Variants in ARFGEF1 observed in about 807,000 individuals in gnomAD.
The protein encoded by ARFGEF1 is ARF guanine nucleotide exchange factor 1, also known as brefeldin A-inhibited guanine nucleotide-exchange protein 1.
Under a neutral mutation model 231.0 loss-of-function variants are expected in ARFGEF1, and 42 were observed. That is an observed-to-expected ratio of 0.18 (90% CI 0.14 to 0.24). ARFGEF1 has a LOEUF of 0.24. Among genes scored for constraint, ARFGEF1 ranks in the 10% least tolerant of loss-of-function variants. The pLI, the probability that ARFGEF1 is intolerant of heterozygous loss-of-function variation, is 1.00. For synonymous variants in ARFGEF1, 710 were observed against 732.3 expected, an observed-to-expected ratio of 0.97 and a Z score of 0.49; for missense variants, 1,345 against 2,192.0, an observed-to-expected ratio of 0.61 and a Z score of 7.72.
chr8:67,300,412 A>G (rs1253674571), intron 3 of ARFGEF1, among the ~76,000 whole-genome samples: 1 of 152,224 alleles, frequency 6.6e-6, no homozygotes, highest in Non-Finnish European at 1.5e-5. Flanking sequence ...TATGTGTCAA[A>G]CAGGGTAACA....
intron 1 of ARFGEF1, among the ~76,000 whole-genome samples, chr8:67,327,078 T>A (rs915470439): frequency 2.6e-5 from 4 of 152,208 alleles, no homozygotes; most frequent in Admixed American, 2.6e-4. Context: ...CACTATGAGG[T>A]TGACTTGCTT....
chr8:67,200,990 C>T (rs1563832065), intron 37 of ARFGEF1, among the ~76,000 whole-genome samples: 1 of 152,170 alleles, frequency 6.6e-6, no homozygotes, highest in Non-Finnish European at 1.5e-5. Flanking sequence ...ACATCTATTC[C>T]GTAAGTAGAT....
intron 22 of ARFGEF1, among the ~76,000 whole-genome samples, chr8:67,234,460 A>G (rs1418638561): frequency 6.6e-6 from 1 of 152,200 alleles, no homozygotes; most frequent in African/African-American, 2.4e-5. Context: ...GTAACTATGT[A>G]GAAAAGGAAG....
intron 1 of ARFGEF1, among the ~76,000 whole-genome samples, chr8:67,329,573 T>TAAATAAATAAAA (rs1563919105): frequency 6.8e-6 from 1 of 147,896 alleles, no homozygotes; most frequent in African/African-American, 2.5e-5. Context: ...AATAAATAAA[T>TAAATAAATAAAA]AAAAAGAATT....
In ARFGEF1 at chr8:67,198,730, A is replaced by C. The variant is rs73256687; in HGVS notation, c.*204T>G. 3,679 of 1,343,244 alleles carry C rather than the reference A, an allele frequency of 2.7e-3. 75 individuals are homozygous for C. In the African/African-American group the frequency reaches 0.048, roughly 17 times the overall value. 83.2% of individuals were successfully genotyped at this position (1,343,244 alleles called of 1,614,324 possible). A position where few individuals can be genotyped will look rare whatever the true frequency, so the allele number is the denominator to read the frequency against. On this transcript the variant is annotated 3_prime_UTR_variant, in exon 39 of 39. Transcript: ENST00000262215. ...ACTGTTTAAACAGGCTTTCTGCTCA[A>C]CATGAGGCCAATATAACACACAAAA...
At chr8:67,327,889 A>C (rs1409629435) in intron 1 of ARFGEF1, among the ~76,000 whole-genome samples, 1 of 152,236 alleles carries the variant, frequency 6.6e-6, no homozygotes, top group Non-Finnish European at 1.5e-5. Context: ...AACATCATTT[A>C]ATCAATCCTA....
chr8:67,271,966 T>C, intron 9 of ARFGEF1, 30 bp from the exon 10 acceptor site: 1 of 1,401,714 alleles, frequency 7.1e-7, no homozygotes, highest in Non-Finnish European at 9.9e-7. Context: ...GCATAGTATA[T>C]GAACAAGGTT....
At chr8:67,316,114 C>A (rs1044447943) in intron 1 of ARFGEF1, among the ~76,000 whole-genome samples, 1 of 151,970 alleles carries the variant, frequency 6.6e-6, no homozygotes, top group Non-Finnish European at 1.5e-5. Flanking sequence ...CTACAAACAC[C>A]GCAGACATTA....
intron 1 of ARFGEF1, among the ~76,000 whole-genome samples, chr8:67,341,474 G>C (rs945333109): frequency 6.6e-6 from 1 of 150,628 alleles, no homozygotes; most frequent in African/African-American, 2.4e-5. Context: ...TGGTGTGCCT[G>C]AAGTCCCAAT....
chr8:67,214,662 T>A (rs1187084451), intron 33 of ARFGEF1, among the ~76,000 whole-genome samples: 1 of 152,152 alleles, frequency 6.6e-6, no homozygotes, highest in Admixed American at 6.6e-5. Flanking sequence ...GCCAGGAACA[T>A]AACAGGACTA....
chr8:67,251,470 C>A lies in ARFGEF1; in HGVS notation c.2699-20G>T. On this transcript the variant is annotated intron_variant, in intron 18 of 38. Transcript: ENST00000262215. ...CTACATCTGAAACAATAAACACTATCAGCATTTTAAATATAAAACATTTAA... is the reference window on the plus strand; with the variant it reads ...CTACATCTGAAACAATAAACACTATAAGCATTTTAAATATAAAACATTTAA... 1.3e-6 allele frequency: 2 copies of A among 1,555,680 alleles called. No individual in the cohort carries two copies. The highest frequency in any genetic ancestry group is 8.7e-7 in the Non-Finnish European group (1 of 1,151,964).
intron 22 of ARFGEF1, among the ~76,000 whole-genome samples, chr8:67,233,162 ATGTT>A (rs1053631963): frequency 3.9e-5 from 6 of 152,052 alleles, no homozygotes; most frequent in African/African-American, 1.4e-4. Flanking sequence ...GTCACAAACT[ATGTT>A]TGTAAAGATC....
At chr8:67,229,278 T>C (rs1839478911) in intron 23 of ARFGEF1, among the ~76,000 whole-genome samples, 1 of 152,056 alleles carries the variant, frequency 6.6e-6, no homozygotes, top group African/African-American at 2.4e-5. Flanking sequence ...ACAGGGTGAT[T>C]ACAGTCTATC....
rs778470913 is a variant in ARFGEF1 at position 67,287,944 on chromosome 8, A to G, written c.1027+11T>C. On this transcript the variant is annotated intron_variant, in intron 7 of 38. Coordinates refer to ENST00000262215, the MANE Select transcript of ARFGEF1 (RefSeq NM_006421.5). ...AGACAGAGTAAAATAATTTTGAATG[A>G]AGTATACTACCTCCAACAACAATGT... 1 of 1,535,248 alleles carries G rather than the reference A, an allele frequency of 6.5e-7. No individual in the cohort carries two copies.
downstream of ARFGEF1, among the ~76,000 whole-genome samples, chr8:67,194,437 A>G (rs1837307780): frequency 6.6e-6 from 1 of 152,242 alleles, no homozygotes; most frequent in African/African-American, 2.4e-5. Flanking sequence ...ACCAAACACA[A>G]AGCAGACATG....
At chr8:67,220,898 T>TG (rs11386788) in intron 29 of ARFGEF1, among the ~76,000 whole-genome samples, 1 of 52,324 alleles carries the variant, frequency 1.9e-5, no homozygotes, top group African/African-American at 1.3e-4. Flanking sequence ...TTTCCTTTTC[T>TG]TTTTTTTTTT....
intron 29 of ARFGEF1, among the ~76,000 whole-genome samples, chr8:67,221,635 A>G (rs1313929732): frequency 2.0e-5 from 3 of 152,100 alleles, no homozygotes; most frequent in African/African-American, 7.2e-5. Context: ...ACAGTAGGCT[A>G]TGGTTAATTT....
At chr8:67,336,497 A>T (rs1430061341) in intron 1 of ARFGEF1, among the ~76,000 whole-genome samples, 1 of 152,220 alleles carries the variant, frequency 6.6e-6, no homozygotes, top group Non-Finnish European at 1.5e-5. Flanking sequence ...CCAAAATCTA[A>T]AATCAAGGTC....
chr8:67,186,247 G>A (rs1834537982), intron 5 of ARFGEF1, among the ~76,000 whole-genome samples: 1 of 152,126 alleles, frequency 6.6e-6, no homozygotes, highest in Non-Finnish European at 1.5e-5. Context: ...CCATTGCCAA[G>A]AATGTGTTGT....
Sources: allele counts gnomAD v4.1 joint callset (sites outside exome capture counted in the v4.1 genomes callset), GRCh38; gene constraint gnomAD v4.1.1; transcripts MANE v1.5; gene names NCBI Gene and HGNC (gene_info 2026-07-23, HGNC 2026-07-21).